PARD3: variants seen among roughly 807,000 people sequenced by gnomAD.
PARD3 encodes the protein partitioning defective 3 homolog.
PARD3 carries 75 observed loss-of-function variants against 155.4 expected under a neutral mutation model. The observed-to-expected ratio is 0.48, with a 90% CI of 0.40 to 0.58. PARD3 has a LOEUF of 0.58. Among genes scored for constraint, PARD3 ranks in the 20% least tolerant of loss-of-function variants. The pLI is 0.00. For synonymous variants in PARD3, 576 were observed against 610.5 expected, an observed-to-expected ratio of 0.94 and a Z score of 0.83; for missense variants, 1,642 against 1,721.7, an observed-to-expected ratio of 0.95 and a Z score of 0.82.
At chr10:34,479,263 G>A (rs995769992) in intron 3 of PARD3, among the ~76,000 whole-genome samples, 3 of 149,974 alleles carry the variant, frequency 2.0e-5, no homozygotes, top group Non-Finnish European at 3.0e-5. Context: ...CCGGGTTCAC[G>A]CCATTCTCCT....
intron 20 of PARD3, among the ~76,000 whole-genome samples, chr10:34,293,896 A>G (rs1414235870): frequency 1.3e-5 from 2 of 152,194 alleles, no homozygotes; most frequent in African/African-American, 4.8e-5. Flanking sequence ...ATCATACCCT[A>G]CATCTGGTTA....
At chr10:34,143,830 T>C (rs772660962) in intron 22 of PARD3, among the ~76,000 whole-genome samples, 2 of 152,234 alleles carry the variant, frequency 1.3e-5, no homozygotes, top group South Asian at 2.1e-4. Flanking sequence ...AAACCATTAA[T>C]GAAGAGTTTG....
intron 22 of PARD3, among the ~76,000 whole-genome samples, chr10:34,176,460 C>A (rs1250442502): frequency 6.6e-6 from 1 of 152,176 alleles, no homozygotes; most frequent in East Asian, 1.9e-4. Context: ...TGAGAGACAG[C>A]CTCAATTAGC....
At chr10:34,786,573 C>T (rs1250304694) in intron 1 of PARD3, among the ~76,000 whole-genome samples, 1 of 152,138 alleles carries the variant, frequency 6.6e-6, no homozygotes, top group African/African-American at 2.4e-5. Context: ...TTATGAATGG[C>T]AAATGCAAGT....
chr10:34,251,143 A>G (rs570390598), intron 22 of PARD3, among the ~76,000 whole-genome samples: 4 of 152,376 alleles, frequency 2.6e-5, no homozygotes, highest in South Asian at 4.1e-4. Context: ...CCATTTTAGC[A>G]GCAGTATGTA....
intron 1 of PARD3, among the ~76,000 whole-genome samples, chr10:34,744,751 CA>C (rs917591465): frequency 6.6e-6 from 1 of 152,186 alleles, no homozygotes; most frequent in East Asian, 1.9e-4. Context: ...AATAATTGAA[CA>C]AAAAAACTGA....
At chr10:34,412,033 G>A (rs571461199) in intron 5 of PARD3, among the ~76,000 whole-genome samples, 5 of 151,564 alleles carry the variant, frequency 3.3e-5, no homozygotes, top group African/African-American at 1.2e-4. Flanking sequence ...TATAATCACA[G>A]CTTACTGCAG....
At chr10:34,683,497 G>A (rs757705848) in intron 2 of PARD3, among the ~76,000 whole-genome samples, 11 of 150,216 alleles carry the variant, frequency 7.3e-5, no homozygotes, top group Non-Finnish European at 1.5e-4. Flanking sequence ...CGTGAAGCCG[G>A]GATTCAAATG....
chr10:34,634,601 A>T (rs750590840), intron 2 of PARD3, among the ~76,000 whole-genome samples: 1 of 152,246 alleles, frequency 6.6e-6, no homozygotes, highest in Non-Finnish European at 1.5e-5. Flanking sequence ...GAATTGTTCC[A>T]TTCAATAAGA....
At chr10:34,561,047 C>T (rs1438322691) in intron 2 of PARD3, among the ~76,000 whole-genome samples, 1 of 152,120 alleles carries the variant, frequency 6.6e-6, no homozygotes, top group Non-Finnish European at 1.5e-5. Flanking sequence ...TGCTACTCAG[C>T]GTCAAGTGTG....
chr10:34,382,606 T>C lies in PARD3; in HGVS notation c.1333A>G (p.Thr445Ala), dbSNP rs1301206622. Residue 445 changes from threonine (T) to alanine (A), a missense_variant, in exon 9 of 25, where the codon ACG becomes GCG. Physicochemically the swap from Thr to Ala is moderately conservative, Grantham distance 58. Coordinates refer to ENST00000374788, the MANE Select transcript of PARD3 (RefSeq NM_001184785.2). ...PASAPQNVFSTTVSSGYNTKK... is the reference protein window; with the variant it reads ...PASAPQNVFSATVSSGYNTKK... The stretch of plus-strand genomic sequence containing the variant: ...GTGTTATAACCACTGCTTACAGTCG[T>C]ACTAAATACATTCTGAGGTGCCGAG... 1 of 1,614,032 alleles carries C rather than the reference T, an allele frequency of 6.2e-7. No homozygotes were observed. Among genetic ancestry groups the C allele is most frequent in the Non-Finnish European group, 8.5e-7 (1 of 1,180,018 alleles).
chr10:34,652,455 C>A (rs1401718879), intron 2 of PARD3, among the ~76,000 whole-genome samples: 2 of 152,174 alleles, frequency 1.3e-5, no homozygotes, highest in South Asian at 2.1e-4. Context: ...ACCCAGAAAA[C>A]AGGGAATGCG....
chr10:34,131,773 TAGAC>T (rs1947625911), intron 22 of PARD3, among the ~76,000 whole-genome samples, 190 bp from the exon 23 acceptor site: 1 of 152,218 alleles, frequency 6.6e-6, no homozygotes, highest in Non-Finnish European at 1.5e-5. Context: ...TGAGGTATTT[TAGAC>T]AGATATTTGA....
At chr10:34,658,128 A>C (rs2133119462) in intron 2 of PARD3, among the ~76,000 whole-genome samples, 1 of 151,542 alleles carries the variant, frequency 6.6e-6, no homozygotes, top group East Asian at 2.0e-4. Context: ...CCTGGGCGAC[A>C]GATCAAGACT....
At chr10:34,568,457 T>C (rs2134128982) in intron 2 of PARD3, among the ~76,000 whole-genome samples, 1 of 152,276 alleles carries the variant, frequency 6.6e-6, no homozygotes. Context: ...CTGGTCTCTT[T>C]GACAATTTTA....
At chr10:34,510,061 T>C (rs758434517) in intron 3 of PARD3, among the ~76,000 whole-genome samples, 1 of 152,232 alleles carries the variant, frequency 6.6e-6, no homozygotes, top group Non-Finnish European at 1.5e-5. Context: ...AATTGGTGTT[T>C]AGCATTTAAC....
chr10:34,309,548 C>CAAAAAAAAAAAAAAAA (rs1173904388), intron 20 of PARD3, among the ~76,000 whole-genome samples: 7 of 64,032 alleles, frequency 1.1e-4, no homozygotes, highest in African/African-American at 1.1e-4. Flanking sequence ...ACCCTGTCTC[C>CAAAAAAAAAAAAAAAA]AAAAAAAAAA....
chr10:34,212,582 G>A (rs916765136), intron 22 of PARD3, among the ~76,000 whole-genome samples: 1 of 151,998 alleles, frequency 6.6e-6, no homozygotes, highest in African/African-American at 2.4e-5. Flanking sequence ...AAAAATACAA[G>A]GCAGACAAGA....
chr10:34,599,606 C>A (rs1213632310), intron 2 of PARD3, among the ~76,000 whole-genome samples: 1 of 152,150 alleles, frequency 6.6e-6, no homozygotes, highest in Non-Finnish European at 1.5e-5. Context: ...TACTTTATGA[C>A]CTCATTCAAA....
Sources: allele counts gnomAD v4.1 joint callset (sites outside exome capture counted in the v4.1 genomes callset), GRCh38; gene constraint gnomAD v4.1.1; transcripts MANE v1.5; gene names NCBI Gene and HGNC (gene_info 2026-07-23, HGNC 2026-07-21).